PDE4D: variants seen among roughly 807,000 people sequenced by gnomAD.
PDE4D encodes the protein phosphodiesterase 4D.
In PDE4D, 24 loss-of-function variants were observed where a neutral mutation model predicts 87.4. That is an observed-to-expected ratio of 0.27 (90% CI 0.20 to 0.39). The LOEUF is 0.39. Among genes scored for constraint, PDE4D ranks in the 10% least tolerant of loss-of-function variants. The pLI is 1.00. For synonymous variants in PDE4D, 384 were observed against 383.2 expected (o/e 1.00, Z -0.02); for missense variants, 714 against 1,041.0 (o/e 0.69, Z 4.32).
intron 3 of PDE4D, among the ~76,000 whole-genome samples, chr5:59,928,308 A>G (rs1460903928): frequency 2.2e-4 from 34 of 152,200 alleles, no homozygotes; most frequent in Non-Finnish European, 2.9e-5. Context: ...TTTAAACAGT[A>G]GAAAAGGATA....
chr5:58,975,242 G>C lies in PDE4D; in HGVS notation c.2014-162C>G, dbSNP rs767484822. ...TTTCAACAACAACAGACCATTTAAA[G>C]TAAAGTATTGCTACTAGCTGGTCAA... is the stretch of plus-strand genomic sequence containing the variant. On this transcript the variant is annotated intron_variant, in intron 14 of 14. Transcript: ENST00000340635. This position sits in a 1 kb window ranked among gnomAD's most constrained non-coding sequence, Gnocchi z 4.2. 3.3e-5 allele frequency among the ~76,000 whole-genome samples: 5 copies of C among 152,134 alleles called. No homozygotes were observed. The highest frequency in any genetic ancestry group is 7.4e-5 in the Non-Finnish European group (5 of 68,022).
At chr5:59,124,257 C>T (rs538988064) in intron 5 of PDE4D, among the ~76,000 whole-genome samples, 2 of 152,068 alleles carry the variant, frequency 1.3e-5, no homozygotes, top group East Asian at 3.9e-4. Context: ...ACGTGAGGAC[C>T]AAGGAGTAGA....
At chr5:59,674,336 T>A (rs796675686) in intron 1 of PDE4D, among the ~76,000 whole-genome samples, 5 of 152,318 alleles carry the variant, frequency 3.3e-5, no homozygotes, top group African/African-American at 1.2e-4. Flanking sequence ...AAGGACCATG[T>A]CTGATGCATC....
At chr5:59,794,815 C>G (rs1232241128) in intron 1 of PDE4D, among the ~76,000 whole-genome samples, 1 of 152,128 alleles carries the variant, frequency 6.6e-6, no homozygotes, top group Admixed American at 6.5e-5. Flanking sequence ...CTTCATATAA[C>G]ACTTTTTTTC....
At chr5:60,345,694 C>T (rs1758698078) in intron 1 of PDE4D, among the ~76,000 whole-genome samples, 1 of 151,968 alleles carries the variant, frequency 6.6e-6, no homozygotes, top group African/African-American at 2.4e-5. Context: ...ATTTATACCT[C>T]TACTTGAATA....
chr5:59,881,474 A>G (rs1749421291), intron 1 of PDE4D, among the ~76,000 whole-genome samples: 3 of 152,082 alleles, frequency 2.0e-5, no homozygotes, highest in Admixed American at 2.0e-4. Context: ...TCCAGAGGTG[A>G]TATTTGCATT....
intron 6 of PDE4D, among the ~76,000 whole-genome samples, chr5:58,999,224 T>C (rs1319664007): frequency 6.6e-6 from 1 of 152,200 alleles, no homozygotes; most frequent in East Asian, 1.9e-4. Flanking sequence ...AATTACCATA[T>C]ATTTTTCAAG....
At chr5:60,460,208 A>C in intron 1 of PDE4D, 1 of 1,473,840 alleles carries the variant, frequency 6.8e-7, no homozygotes, top group African/African-American at 1.4e-5. Context: ...CATTTCATCA[A>C]ATCCTTTCCA....
chr5:59,887,487 C>A (rs781684860), intron 1 of PDE4D, among the ~76,000 whole-genome samples: 5 of 152,142 alleles, frequency 3.3e-5, no homozygotes, highest in Non-Finnish European at 7.4e-5. Context: ...TAGCAGCATT[C>A]AAGTTATAGA....
At chr5:59,333,917 T>C (rs1582014085) in intron 1 of PDE4D, among the ~76,000 whole-genome samples, 1 of 151,974 alleles carries the variant, frequency 6.6e-6, no homozygotes, top group East Asian at 1.9e-4. Flanking sequence ...TAATATACTA[T>C]AATAAAAATG....
At chr5:59,302,430 T>C (rs1433737169) in intron 1 of PDE4D, among the ~76,000 whole-genome samples, 1 of 152,116 alleles carries the variant, frequency 6.6e-6, no homozygotes, top group Non-Finnish European at 1.5e-5. Context: ...TTTAGTTATA[T>C]AAGTAAGTTC....
At chr5:59,931,694 C>CTTTTTTTTTTT (rs35943138) in intron 3 of PDE4D, among the ~76,000 whole-genome samples, 20 of 126,574 alleles carry the variant, frequency 1.6e-4, no homozygotes, top group Middle Eastern at 4.8e-3. Context: ...TCTTCTTCTT[C>CTTTTTTTTTTT]TTTTTTTTTT....
rs575146192 is a variant in PDE4D at position 59,482,244 on chromosome 5, T to C, written c.456-266276A>G. Among the ~76,000 whole-genome samples the C allele has an allele frequency of 1.1e-4, 16 of 152,272 alleles. No individual in the cohort carries two copies. The South Asian group carries it at 2.1e-3, about 20-fold the overall frequency. Reference sequence around the variant, plus strand: ...TCTCCTATTCTAGAGCATTACATATTTTAATTCCTTAATACTTTTGGAAAG... The same window carrying C: ...TCTCCTATTCTAGAGCATTACATATCTTAATTCCTTAATACTTTTGGAAAG... On this transcript the variant is annotated intron_variant, in intron 1 of 14. Transcript: ENST00000340635.
At chr5:60,329,256 T>A (rs1056505220) in intron 1 of PDE4D, among the ~76,000 whole-genome samples, 2 of 152,156 alleles carry the variant, frequency 1.3e-5, no homozygotes, top group African/African-American at 4.8e-5. Flanking sequence ...GGTGGGGGGT[T>A]ACTTCCATGC....
rs1024965738 is a variant in PDE4D, at chr5:59,551,100, T to C, written c.456-335132A>G. Among the ~76,000 whole-genome samples the C allele has an allele frequency of 7.2e-5, 11 of 152,132 alleles. No homozygotes were observed. The East Asian group carries it at 1.5e-3, about 21-fold the overall frequency. On this transcript the variant is annotated intron_variant, in intron 1 of 14. Transcript: ENST00000340635. ...CCTTTACGTTTTCTTTATGGTGTTTTTGATGTGTAGAAAAATTTGATTCCT... is the reference window on the plus strand; with the variant it reads ...CCTTTACGTTTTCTTTATGGTGTTTCTGATGTGTAGAAAAATTTGATTCCT...
chr5:59,386,827 A>G (rs1057360540), intron 1 of PDE4D, among the ~76,000 whole-genome samples: 2 of 152,142 alleles, frequency 1.3e-5, no homozygotes, highest in African/African-American at 2.4e-5. Context: ...TCCTACAAGA[A>G]TTCCTTTACC....
chr5:59,612,348 A>T (rs910448475), intron 1 of PDE4D, among the ~76,000 whole-genome samples: 1 of 151,618 alleles, frequency 6.6e-6, no homozygotes. Flanking sequence ...AAGTTGGATT[A>T]TCGTATTTGA....
At chr5:59,885,242 G>T (rs934067805) in intron 1 of PDE4D, among the ~76,000 whole-genome samples, 6 of 151,964 alleles carry the variant, frequency 3.9e-5, no homozygotes, top group Non-Finnish European at 8.8e-5. Context: ...TATATGATAT[G>T]TTCTGCTATC....
At chr5:60,344,034 C>T (rs770797519) in intron 1 of PDE4D, among the ~76,000 whole-genome samples, 22 of 151,434 alleles carry the variant, frequency 1.5e-4, no homozygotes, top group Admixed American at 2.6e-4. Context: ...GTAGTTTGTC[C>T]AGGATTACAG....
Sources: gnomAD v4.1 joint callset for allele counts (sites outside exome capture counted in the v4.1 genomes callset) on GRCh38, gnomAD v4.1.1 for gene constraint, Gnocchi (gnomAD v3.1) non-coding constraint, MANE v1.5 for transcripts, NCBI Gene and HGNC (gene_info 2026-07-23, HGNC 2026-07-21) for gene names.